The following ZNF644 variants were observed in gnomAD, a reference collection of about 807,000 sequenced individuals.
The protein encoded by ZNF644 is zinc finger motif enhancer binding protein 2.
ZNF644 carries 20 observed loss-of-function variants against 108.0 expected under a neutral mutation model. The ratio of observed to expected loss-of-function variants is 0.19; its 90% CI spans 0.13 to 0.27. The LOEUF (loss-of-function observed/expected upper bound fraction) is 0.27. ZNF644 is among the 10% of genes least tolerant of loss of function. ZNF644 has a pLI of 1.00. For synonymous variants in ZNF644, 542 were observed against 539.1 expected, an observed-to-expected ratio of 1.01 and a Z score of -0.08; for missense variants, 1,338 against 1,548.9, an observed-to-expected ratio of 0.86 and a Z score of 2.29.
Position 90,939,110 on chromosome 1 carries a change from C to A in ZNF644, c.2244G>T (p.Arg748Ser). 2.5e-6 allele frequency: 4 copies of A among 1,613,746 alleles called. No individual in the cohort carries two copies. Among genetic ancestry groups the A allele is most frequent in the South Asian group, 1.1e-5 (1 of 91,072 alleles). The change falls in exon 3 of 6, where the codon AGG (arginine) becomes AGT (serine). Residue 748 changes from arginine to serine, a missense_variant. By Grantham distance (110) the Arg-to-Ser change is moderately radical (BLOSUM62 -1). Around this residue, in one of 6 missense-constraint regions of ZNF644, gnomAD observed 462 missense variants for 472.6 expected, o/e 0.98. Transcript: ENST00000337393. ...ATGATTCACCTGATTTTTTGATCAT[C>A]CTATAGTTTTCATATTTGTGTCTAT... ...YLYRHKYENY[R>S]MIKKSGESYP...
At chr1:91,008,622 C>T (rs536864234) in intron 1 of ZNF644, among the ~76,000 whole-genome samples, 1 of 152,300 alleles carries the variant, frequency 6.6e-6, no homozygotes, top group South Asian at 2.1e-4. Context: ...CATACAGAAA[C>T]CCCATTTTTC....
At chr1:90,948,799 T>C (rs1364520932) in intron 2 of ZNF644, among the ~76,000 whole-genome samples, 1 of 152,220 alleles carries the variant, frequency 6.6e-6, no homozygotes, top group African/African-American at 2.4e-5. Context: ...CCAGCATGTC[T>C]AGCCTGATGC....
chr1:90,983,481 C>CAAAAAAAAAAA (rs768476839), intron 1 of ZNF644, among the ~76,000 whole-genome samples: 1 of 63,424 alleles, frequency 1.6e-5, no homozygotes, highest in Non-Finnish European at 3.5e-5. Flanking sequence ...CCTCATATGG[C>CAAAAAAAAAAA]AAAAAAAAAA....
In ZNF644 at chr1:90,979,270, G is replaced by A. The variant is rs561598031; in HGVS notation, c.44+3040C>T. Among the ~76,000 whole-genome samples, 25 of 152,266 alleles carry A rather than the reference G, an allele frequency of 1.6e-4. No homozygotes were observed. In the South Asian group the frequency reaches 2.1e-3, roughly 13 times the overall value. ...GTGGGTCACCTGAGGTCAGGAGTTC[G>A]AGACTAGCCTGACGAACATAGTGAA... On this transcript the variant is annotated intron_variant, in intron 2 of 5. Coordinates refer to ENST00000337393, the MANE Select transcript of ZNF644 (RefSeq NM_201269.3).
At chr1:90,973,427 G>A (rs778326207) in intron 2 of ZNF644, among the ~76,000 whole-genome samples, 27 of 152,050 alleles carry the variant, frequency 1.8e-4, no homozygotes, top group South Asian at 4.1e-4. Context: ...AAACTACCCC[G>A]TTCAAATCCT....
intron 4 of ZNF644, among the ~76,000 whole-genome samples, chr1:90,935,844 C>A (rs371764763): frequency 5.3e-5 from 8 of 152,148 alleles, no homozygotes; most frequent in African/African-American, 1.9e-4. Context: ...TACTACAATA[C>A]AATCCTGTGA....
intron 1 of ZNF644, among the ~76,000 whole-genome samples, chr1:91,008,569 A>G (rs948320110): frequency 6.6e-6 from 1 of 152,172 alleles, no homozygotes; most frequent in Non-Finnish European, 1.5e-5. Context: ...ATAATCAGAA[A>G]ACAGTTGATA....
intron 2 of ZNF644, among the ~76,000 whole-genome samples, chr1:90,958,711 A>G (rs1654013905): frequency 6.6e-6 from 1 of 152,194 alleles, no homozygotes; most frequent in Non-Finnish European, 1.5e-5. Flanking sequence ...AGACCATTCA[A>G]TGGGGAAAAG....
rs1244271384 is a variant in ZNF644 at position 90,940,593 on chromosome 1, T to C, written c.761A>G (p.Glu254Gly). 6.2e-7 allele frequency: 1 copy of C among 1,613,948 alleles called. No homozygotes were observed. Among genetic ancestry groups the C allele is most frequent in the African/African-American group, 1.3e-5 (1 of 74,926 alleles). ...ISSGTDGFRS[E>G]NDTNWDPQKE... is the part of the protein sequence containing the mutation. ...TTGGGGATCCCAGTTTGTATCATTTTCTGACCTAAATCCATCTGTACCTGA... is the reference window on the plus strand; with the variant it reads ...TTGGGGATCCCAGTTTGTATCATTTCCTGACCTAAATCCATCTGTACCTGA... Residue 254 changes from glutamate (E) to glycine (G), a missense_variant, in exon 3 of 6, where the codon GAA becomes GGA. Coordinates refer to ENST00000337393, the MANE Select transcript of ZNF644 (RefSeq NM_201269.3).
intron 4 of ZNF644, among the ~76,000 whole-genome samples, chr1:90,924,228 A>G (rs991181849): frequency 5.0e-4 from 76 of 152,314 alleles, no homozygotes; most frequent in African/African-American, 1.8e-3. Context: ...CAAACGTATT[A>G]CTTCTTTGTG....
At chr1:91,007,373 CCTG>C (rs1312031055) in intron 1 of ZNF644, among the ~76,000 whole-genome samples, 2 of 151,678 alleles carry the variant, frequency 1.3e-5, no homozygotes, top group African/African-American at 4.8e-5. Context: ...ACCAACATGC[CCTG>C]CTAATTTCTG....
At chr1:91,014,314 T>C (rs776161871) in intron 1 of ZNF644, among the ~76,000 whole-genome samples, 30 of 152,172 alleles carry the variant, frequency 2.0e-4, no homozygotes, top group Non-Finnish European at 3.8e-4. Flanking sequence ...GAATTCAACA[T>C]TAAGCTTTTT....
chr1:90,953,731 A>G (rs1653438466), intron 2 of ZNF644, among the ~76,000 whole-genome samples: 1 of 152,048 alleles, frequency 6.6e-6, no homozygotes, highest in Non-Finnish European at 1.5e-5. Context: ...CCTGGCCAAC[A>G]TGGGGAAATC....
In ZNF644 at chr1:90,937,533, T is replaced by A; in HGVS notation, c.3640A>T (p.Ser1214Cys). ...TTTTGTGGCTGATACATCAACGGAC[T>A]ATCCTCATTTAATGGAAGAACGCAT... ...QKCVLPLNED[S>C]PLMYQPQKMD... Residue 1214 changes from serine (S) to cysteine (C), a missense_variant, in exon 4 of 6, where the codon AGT becomes TGT. By Grantham distance (112) the Ser-to-Cys change is moderately radical. Coordinates refer to ENST00000337393, the MANE Select transcript of ZNF644 (RefSeq NM_201269.3). The A allele has an allele frequency of 2.0e-5, 32 of 1,613,918 alleles. No homozygotes were observed. The highest frequency in any genetic ancestry group is 2.7e-5 in the Non-Finnish European group (32 of 1,179,798).
intron 1 of ZNF644, among the ~76,000 whole-genome samples, chr1:90,992,923 G>T (rs1557640597): frequency 6.6e-6 from 1 of 151,922 alleles, no homozygotes; most frequent in Non-Finnish European, 1.5e-5. Context: ...GCATGTCTGT[G>T]GTCCTAGCTA....
At chr1:90,917,299 C>T (rs1008234032) in intron 5 of ZNF644, among the ~76,000 whole-genome samples, 1 of 151,928 alleles carries the variant, frequency 6.6e-6, no homozygotes, top group Admixed American at 6.6e-5. Flanking sequence ...TAGAAAAGAC[C>T]CTTCCCCAGT....
At chr1:90,941,359 A>G in intron 2 of ZNF644, 50 bp from the exon 3 acceptor site, 1 of 1,493,526 alleles carries the variant, frequency 6.7e-7, no homozygotes. Flanking sequence ...AAAAAATACT[A>G]TTAGAATGTA....
rs369478577 is a variant in ZNF644 at position 90,920,449 on chromosome 1, A to G, written c.3689-2295T>C. 9.3e-4 allele frequency among the ~76,000 whole-genome samples: 141 copies of G among 152,112 alleles called. 2 individuals are homozygous for G. In the South Asian group the frequency reaches 0.027, roughly 29 times the overall value. On this transcript the variant is annotated intron_variant, in intron 4 of 5. Coordinates refer to ENST00000337393, the MANE Select transcript of ZNF644 (RefSeq NM_201269.3). ...GCAAAAGAACATTTTATCAGTTACAAAAGCATTTAAATTTACATGTTGTTA... is the reference window on the plus strand; with the variant it reads ...GCAAAAGAACATTTTATCAGTTACAGAAGCATTTAAATTTACATGTTGTTA...
intron 2 of ZNF644, among the ~76,000 whole-genome samples, chr1:90,980,751 G>C (rs1375994233): frequency 2.0e-5 from 3 of 152,098 alleles, no homozygotes; most frequent in Non-Finnish European, 4.4e-5. Flanking sequence ...TCCAAGAACA[G>C]GCAAAACTAA....
Sources: gnomAD v4.1 joint callset for allele counts (sites outside exome capture counted in the v4.1 genomes callset) on GRCh38, gnomAD v4.1.1 for gene constraint, gnomAD v4.1.1 regional missense constraint, MANE v1.5 for transcripts, NCBI Gene and HGNC (gene_info 2026-07-23, HGNC 2026-07-21) for gene names.